SCN10A: variants seen among roughly 807,000 people sequenced by gnomAD.
SCN10A encodes the protein sodium voltage-gated channel alpha subunit 10.
SCN10A carries 162 observed loss-of-function variants against 170.7 expected under a neutral mutation model. The ratio of observed to expected loss-of-function variants is 0.95; its 90% confidence interval spans 0.84 to 1.08. The LOEUF is 1.08. SCN10A is among the 50% of genes least tolerant of loss of function. SCN10A has a pLI of 0.00. For missense variants in SCN10A, 2,527 were observed against 2,436.9 expected (o/e 1.04, Z -0.78); for synonymous variants, 985 against 904.6 (o/e 1.09, Z -1.59).
In SCN10A at chr3:38,698,279, G is replaced by A. The variant is rs1393646938; in HGVS notation, c.4941C>T (p.Phe1647=). ...GGAAGAGGCACAGCATGCTGTTGGC[G>A]AAGGTCTGGAAGTTGAACATGTCGT... ...GIDDMFNFQT[F]ANSMLCLFQI... The change falls in exon 28 of 28, where the codon TTC becomes TTT. Residue 1647 remains phenylalanine (F), a synonymous_variant. Coordinates refer to ENST00000449082, the MANE Select transcript of SCN10A (RefSeq NM_006514.4). 6 of 1,614,044 alleles carry A rather than the reference G, an allele frequency of 3.7e-6. No individual in the cohort carries two copies. The highest frequency in any genetic ancestry group is 1.3e-5 in the African/African-American group (1 of 74,902).
rs140747561 is a variant in SCN10A, at chr3:38,703,858, A to T, written c.4387-1749T>A. ...TCACTGGACTGTAAACTGTAAGAGT[A>T]GGAACTTTGTCTGTCTTGCTCACTG... is the stretch of plus-strand genomic sequence containing the variant. On this transcript the variant is annotated intron_variant, in intron 26 of 27. Transcript: ENST00000449082. Among the ~76,000 whole-genome samples, 151 of 152,308 alleles carry T rather than the reference A, an allele frequency of 9.9e-4. 2 individuals are homozygous for T. The highest frequency in any genetic ancestry group is 3.5e-3 in the African/African-American group (145 of 41,576).
rs767498321 is a variant in SCN10A at position 38,728,682 on chromosome 3, C to T, written c.2500G>A (p.Asp834Asn). The T allele has an allele frequency of 1.8e-5, 29 of 1,614,154 alleles. No homozygotes were observed. Among genetic ancestry groups the T allele is most frequent in the South Asian group, 2.2e-5 (2 of 91,074 alleles). ...ACAATGAGGAAAGAGTGGAAGAAGT[C>T]GTGCATGTGCCAGCGGGGCCAGTCT... is the stretch of plus-strand genomic sequence containing the variant. Reference protein sequence around the residue: ...HEDWPRWHMHDFFHSFLIVFR... With the variant: ...HEDWPRWHMHNFFHSFLIVFR... The change falls in exon 16 of 28, where the codon GAC becomes AAC. Residue 834 changes from aspartate (D) to asparagine (N), a missense_variant. Asp to Asn is a conservative substitution (Grantham distance 23, BLOSUM62 1). Transcript: ENST00000449082.
chr3:38,742,607 CTTG>C, intron 13 of SCN10A, 78 bp from the exon 14 acceptor site: 2 of 1,067,028 alleles, frequency 1.9e-6, no homozygotes, highest in Non-Finnish European at 2.9e-6. Context: ...TCCTCTAGAC[CTTG>C]TTGTTAATAA....
At position 38,726,958 on chromosome 3, in the gene SCN10A, A is replaced by T. The variant is rs747348729; in HGVS notation, c.2735T>A (p.Val912Glu). The T allele has an allele frequency of 6.2e-7, 1 of 1,614,214 alleles. No homozygotes were observed. Among genetic ancestry groups the T allele is most frequent in the South Asian group, 1.1e-5 (1 of 91,084 alleles). The change falls in exon 17 of 28, where the codon GTG becomes GAG. Residue 912 changes from valine (V) to glutamate (E), a missense_variant. Val to Glu is a moderately radical substitution (Grantham distance 121). Transcript: ENST00000449082. ...EDDGEVNNLQ[V>E]ALARIQVFGH... ...AAAGACCTGGATCCGTGCCAGGGCC[A>T]CCTGCAGGTTGTTCACCTCCCCATC...
chr3:38,772,727 A>C (rs62244104), intron 4 of SCN10A, among the ~76,000 whole-genome samples: 38,082 of 89,024 alleles, frequency 0.43, 5,469 homozygotes, highest in Middle Eastern at 0.49. Flanking sequence ...ACAACAACAA[A>C]AACAAAAACA....
intron 16 of SCN10A, 73 bp from the exon 17 acceptor site, chr3:38,727,125 A>C: frequency 6.9e-7 from 1 of 1,444,068 alleles, no homozygotes; most frequent in Middle Eastern, 1.8e-4. Context: ...CCGGGTTAGC[A>C]GCTGGCTGGC....
At chr3:38,755,550 G>C (rs1407752570) in intron 11 of SCN10A, among the ~76,000 whole-genome samples, 2 of 152,022 alleles carry the variant, frequency 1.3e-5, no homozygotes, top group Admixed American at 1.3e-4. Flanking sequence ...TTTTTCCACA[G>C]TCCACAATCC....
Position 38,804,829 on chromosome 3 carries a change from G to A in SCN10A, c.-32-10787C>T, listed in dbSNP as rs80294503. ...AACAATAAAGGCTGAAACCAGGAGG[G>A]TTGTGGGGGCGGAATGGCACTGAAT... On this transcript the variant is annotated intron_variant, in intron 1 of 27. Transcript: ENST00000449082. Among the ~76,000 whole-genome samples the A allele has an allele frequency of 2.0e-5, 3 of 152,120 alleles. No homozygotes were observed. The East Asian group carries it at 5.8e-4, about 29-fold the overall frequency.
chr3:38,761,835 T>TGAGA lies in SCN10A; in HGVS notation c.692-453_692-452insTCTC, dbSNP rs1395842713. Among the ~76,000 whole-genome samples, 23 of 132,060 alleles carry TGAGA rather than the reference T, an allele frequency of 1.7e-4. No homozygotes were observed. The South Asian group carries it at 4.6e-3, about 27-fold the overall frequency. 86.6% of individuals were successfully genotyped at this position (132,060 alleles called of 152,430 possible). A position where few individuals can be genotyped will look rare whatever the true frequency, so the allele number is the denominator to read the frequency against. On this transcript the variant is annotated intron_variant, in intron 6 of 27. Coordinates refer to ENST00000449082, the MANE Select transcript of SCN10A (RefSeq NM_006514.4). ...GTGTGAGTGTGTGTGTGTGTGTGTG[T>TGAGA]GTGAGAGAGAGAGAGAGAGAGAGAG... is the stretch of plus-strand genomic sequence containing the variant.
rs374834768 is a variant in SCN10A, at chr3:38,707,396, C to T, written c.4282-13G>A. On this transcript the variant is annotated splice_polypyrimidine_tract_variant and intron_variant, in intron 25 of 27. Transcript: ENST00000449082. ...CCTGGCCCCCTAAGTGCAGAGAGGG[C>T]CACACTGTTACTAAAGCAAGAGGAA... is the stretch of plus-strand genomic sequence containing the variant. 9.2e-5 allele frequency: 148 copies of T among 1,613,500 alleles called. No individual in the cohort carries two copies. In the African/African-American group the frequency reaches 1.8e-3, roughly 20 times the overall value.
chr3:38,792,992 T>C (rs553599466), intron 2 of SCN10A, among the ~76,000 whole-genome samples: 62 of 152,126 alleles, frequency 4.1e-4, no homozygotes, highest in Middle Eastern at 3.4e-3. Context: ...TATATATACA[T>C]AACTAGCTAC....
intron 1 of SCN10A, among the ~76,000 whole-genome samples, chr3:38,799,715 A>G (rs2064360242): frequency 6.6e-6 from 1 of 150,652 alleles, no homozygotes; most frequent in South Asian, 2.2e-4. Flanking sequence ...TTTGCTTCTC[A>G]TATAAAGTTT....
Position 38,697,197 on chromosome 3 carries a change from G to A in SCN10A, c.*152C>T, listed in dbSNP as rs2063097751. 2 of 1,239,100 alleles carry A rather than the reference G, an allele frequency of 1.6e-6. No individual in the cohort carries two copies. The highest frequency in any genetic ancestry group is 2.7e-5 in the Admixed American group (1 of 37,336). The allele number at this position is 1,239,100 out of a possible 1,614,324, so 76.8% of individuals were successfully genotyped here. ...GTGTATGATGGTTTTTTCAAAGGTG[G>A]TTACCAGTTGCATTCCCTGCCCAGT... On this transcript the variant is annotated 3_prime_UTR_variant, in exon 28 of 28. Coordinates refer to ENST00000449082, the MANE Select transcript of SCN10A (RefSeq NM_006514.4).
chr3:38,703,844 TAA>T (rs965357579), intron 26 of SCN10A, among the ~76,000 whole-genome samples: 1 of 152,218 alleles, frequency 6.6e-6, no homozygotes, highest in Non-Finnish European at 1.5e-5. Context: ...CACTGGACTG[TAA>T]ACTGTAAGAG....
chr3:38,760,027 G>A (rs1290934154), intron 8 of SCN10A, among the ~76,000 whole-genome samples: 1 of 152,194 alleles, frequency 6.6e-6, no homozygotes, highest in Admixed American at 6.5e-5. Flanking sequence ...TTCCTTCCTG[G>A]GGTAGATTAT....
intron 14 of SCN10A, among the ~76,000 whole-genome samples, chr3:38,741,099 A>G (rs2063626705): frequency 6.6e-6 from 1 of 151,988 alleles, no homozygotes; most frequent in African/African-American, 2.4e-5. Context: ...GTTTCTAGGG[A>G]CAAGTAGTCA....
At chr3:38,772,646 G>A (rs1426483641) in intron 4 of SCN10A, among the ~76,000 whole-genome samples, 13 of 151,616 alleles carry the variant, frequency 8.6e-5, no homozygotes, top group African/African-American at 2.9e-4. Context: ...CCTAGATCGC[G>A]TCACTGCACT....
intron 5 of SCN10A, among the ~76,000 whole-genome samples, chr3:38,767,173 T>A (rs1389573005): frequency 6.6e-6 from 1 of 151,968 alleles, no homozygotes; most frequent in African/African-American, 2.4e-5. Flanking sequence ...CTATATCTTT[T>A]TAAAGAACCC....
At chr3:38,706,440 T>C (rs564675504) in intron 26 of SCN10A, among the ~76,000 whole-genome samples, 5 of 152,334 alleles carry the variant, frequency 3.3e-5, no homozygotes, top group East Asian at 1.9e-4. Context: ...AGAAAGTTTA[T>C]GTAGAAGGAC....
Sources: gnomAD v4.1 joint callset for allele counts (sites outside exome capture counted in the v4.1 genomes callset) on GRCh38, gnomAD v4.1.1 for gene constraint, MANE v1.5 for transcripts, NCBI Gene and HGNC (gene_info 2026-07-23, HGNC 2026-07-21) for gene names.